TEX9: variants seen among roughly 807,000 people sequenced by gnomAD.
TEX9 encodes the protein testis-expressed protein 9.
TEX9 carries 74 observed loss-of-function variants against 59.6 expected under a neutral mutation model. That is an observed-to-expected ratio of 1.24 (90% CI 1.03 to 1.51). The LOEUF is 1.51. Ranked by LOEUF, TEX9 falls within the 40% of genes most tolerant of loss-of-function variation. The pLI is 0.00. For synonymous variants in TEX9, 186 were observed against 152.2 expected (o/e 1.22, Z -1.64); for missense variants, 522 against 447.8 (o/e 1.17, Z -1.49).
downstream of TEX9, chr15:56,447,008 A>T: frequency 9.6e-7 from 1 of 1,040,808 alleles, no homozygotes; most frequent in South Asian, 1.4e-5. Flanking sequence ...CCTCACAGAA[A>T]ACTGAGTAAC....
At chr15:56,379,944 T>C (rs1340020086) in intron 3 of TEX9, among the ~76,000 whole-genome samples, 1 of 152,106 alleles carries the variant, frequency 6.6e-6, no homozygotes, top group African/African-American at 2.4e-5. Context: ...GTATGTTTCT[T>C]GTAAGCGACA....
At chr15:56,248,225 G>A (rs1185470968) in intron 1 of TEX9, among the ~76,000 whole-genome samples, 2 of 152,196 alleles carry the variant, frequency 1.3e-5, no homozygotes, top group East Asian at 1.9e-4. Flanking sequence ...GGGGGGTTCA[G>A]AACTAAGTTA....
chr15:56,373,355 C>A, intron 2 of TEX9, 86 bp from the exon 3 acceptor site: 1 of 1,275,460 alleles, frequency 7.8e-7, no homozygotes, highest in Non-Finnish European at 1.1e-6. Context: ...TTGTTGATTA[C>A]GTCACTTGAT....
chr15:56,447,595 T>C (rs1195438034), downstream of TEX9: 1 of 152,212 alleles, frequency 6.6e-6, no homozygotes, highest in African/African-American at 2.4e-5. Context: ...ATACAATTAA[T>C]GTTTATATAC....
At chr15:56,330,917 T>G (rs895746890) in intron 1 of TEX9, among the ~76,000 whole-genome samples, 1 of 151,962 alleles carries the variant, frequency 6.6e-6, no homozygotes, top group East Asian at 1.9e-4. Context: ...AAAAGAAACA[T>G]ATTTTACCTG....
chr15:56,319,234 G>T (rs868162974), intron 1 of TEX9, among the ~76,000 whole-genome samples: 2 of 151,762 alleles, frequency 1.3e-5, no homozygotes, highest in African/African-American at 4.8e-5. Context: ...AAAACGTCTT[G>T]ACCATTTGAA....
At chr15:56,330,062 C>G (rs1200039351) in intron 1 of TEX9, among the ~76,000 whole-genome samples, 1 of 151,814 alleles carries the variant, frequency 6.6e-6, no homozygotes, top group African/African-American at 2.4e-5. Context: ...GAATGGAGCT[C>G]CAATATGTCT....
chr15:56,399,289 G>A (rs1199162803), intron 9 of TEX9, among the ~76,000 whole-genome samples: 5 of 152,228 alleles, frequency 3.3e-5, no homozygotes, highest in South Asian at 2.1e-4. Context: ...CTTAGCAACC[G>A]GCAGACAAGG....
At chr15:56,357,849 C>G (rs533540804) in intron 1 of TEX9, among the ~76,000 whole-genome samples, 1 of 152,200 alleles carries the variant, frequency 6.6e-6, no homozygotes, top group South Asian at 2.1e-4. Flanking sequence ...TAGATTTTCT[C>G]TATTTCACAG....
At chr15:56,329,048 C>T (rs1174089086) in intron 1 of TEX9, among the ~76,000 whole-genome samples, 1 of 152,156 alleles carries the variant, frequency 6.6e-6, no homozygotes, top group Non-Finnish European at 1.5e-5. Flanking sequence ...GTGCTGGTGT[C>T]ACCCCACCCC....
At chr15:56,346,854 C>T (rs552281207) in intron 1 of TEX9, among the ~76,000 whole-genome samples, 6 of 152,272 alleles carry the variant, frequency 3.9e-5, no homozygotes, top group African/African-American at 1.4e-4. Flanking sequence ...CCGGAAATCT[C>T]CATCTAATAA....
Position 56,339,383 on chromosome 15 carries a change from C to CAAAAAAAAAAAAA in TEX9, c.-106-34039_-106-34027dup, listed in dbSNP as rs71456382. On this transcript the variant is annotated intron_variant, in intron 1 of 5. Transcript: ENST00000560827. The stretch of plus-strand genomic sequence containing the variant: ...GGGTGTCAGAGCAAGACTCCTTCTC[C>CAAAAAAAAAAAAA]AAAAAAAAAAAAAAAAAAAAAAAAA... 1.5e-3 allele frequency among the ~76,000 whole-genome samples: 45 copies of CAAAAAAAAAAAAA among 30,744 alleles called. 5 individuals carry two copies. The highest frequency in any genetic ancestry group is 3.8e-3 in the East Asian group (5 of 1,314). 20.2% of individuals were successfully genotyped at this position (30,744 alleles called of 152,430 possible). A position where few individuals can be genotyped will look rare whatever the true frequency, so the allele number is the denominator to read the frequency against.
intron 3 of TEX9, among the ~76,000 whole-genome samples, chr15:56,381,586 A>G (rs1038971989): frequency 6.6e-6 from 1 of 152,228 alleles, no homozygotes; most frequent in Non-Finnish European, 1.5e-5. Context: ...CCCCTGCCCA[A>G]TATCACTAGG....
intron 1 of TEX9, among the ~76,000 whole-genome samples, chr15:56,344,618 C>G (rs567105431): frequency 1.3e-5 from 2 of 152,116 alleles, no homozygotes; most frequent in East Asian, 3.9e-4. Flanking sequence ...TGAAAAACCA[C>G]AGAATTGTTC....
intron 3 of TEX9, among the ~76,000 whole-genome samples, chr15:56,383,738 C>T (rs1210410727): frequency 6.6e-6 from 1 of 152,126 alleles, no homozygotes; most frequent in African/African-American, 2.4e-5. Context: ...ACATTTTCCC[C>T]TTAGGATGGA....
intron 9 of TEX9, chr15:56,395,630 C>G (rs951698290): frequency 6.6e-6 from 1 of 152,170 alleles, no homozygotes; most frequent in Non-Finnish European, 1.5e-5. Context: ...TCCTCACCAA[C>G]ATCTGCTAGA....
At chr15:56,428,138 G>T (rs140091119) in intron 11 of TEX9, among the ~76,000 whole-genome samples, 4 of 151,908 alleles carry the variant, frequency 2.6e-5, no homozygotes, top group African/African-American at 9.7e-5. Flanking sequence ...GCAAAGGTCA[G>T]GTATTTAAAA....
rs186993084 is a variant in TEX9, at chr15:56,391,205, G to A, written c.396-38G>A. The A allele has an allele frequency of 2.4e-5, 33 of 1,380,358 alleles. No homozygotes were observed. The African/African-American group carries it at 2.8e-4, about 12-fold the overall frequency. The allele number at this position is 1,380,358 out of a possible 1,614,324, so 85.5% of individuals were successfully genotyped here. On this transcript the variant is annotated intron_variant, in intron 6 of 12. Coordinates refer to ENST00000352903, the Ensembl canonical transcript of TEX9. ...CCTTTCCTATTTTGTTCATATGTAC[G>A]TATATACATACATATGTATTTAATT...
chr15:56,275,192 T>C (rs1243489980), intron 1 of TEX9, among the ~76,000 whole-genome samples: 2 of 152,068 alleles, frequency 1.3e-5, no homozygotes, highest in Admixed American at 6.6e-5. Context: ...CCCCCAACGG[T>C]TGGAAGTTTT....
Sources: gnomAD v4.1 joint callset for allele counts (sites outside exome capture counted in the v4.1 genomes callset) on GRCh38, gnomAD v4.1.1 for gene constraint, MANE v1.5 for transcripts, NCBI Gene and HGNC (gene_info 2026-07-23, HGNC 2026-07-21) for gene names.